Variants in GRIA1 observed in about 807,000 individuals in gnomAD.
GRIA1 encodes the protein glutamate receptor 1.
A neutral mutation model predicts 99.2 loss-of-function variants in GRIA1; 31 were observed. The observed-to-expected ratio is 0.31, with a 90% CI of 0.23 to 0.42. The LOEUF is 0.42. Ranked by LOEUF, GRIA1 falls within the 10% of genes least tolerant of loss-of-function variation. GRIA1 has a pLI of 1.00. For synonymous variants in GRIA1, 438 were observed against 432.4 expected (o/e 1.01, Z -0.16); for missense variants, 782 against 1,157.5 (o/e 0.68, Z 4.71).
At chr5:153,703,469 G>A (rs577941940) in intron 10 of GRIA1, among the ~76,000 whole-genome samples, 1 of 152,228 alleles carries the variant, frequency 6.6e-6, no homozygotes, top group African/African-American at 2.4e-5. Flanking sequence ...AACAGGCTGG[G>A]TATGGTGGCT....
At chr5:153,566,522 T>A (rs1761643082) in intron 2 of GRIA1, among the ~76,000 whole-genome samples, 1 of 151,084 alleles carries the variant, frequency 6.6e-6, no homozygotes, top group Admixed American at 6.6e-5. Flanking sequence ...GCCAGGTTGG[T>A]CTCGAACTCC....
At chr5:153,549,511 A>C (rs888993714) in intron 2 of GRIA1, among the ~76,000 whole-genome samples, 3 of 152,190 alleles carry the variant, frequency 2.0e-5, no homozygotes, top group Non-Finnish European at 4.4e-5. Context: ...GGTCCTCTAG[A>C]CTTGAGAAAG....
intron 2 of GRIA1, among the ~76,000 whole-genome samples, chr5:153,559,410 C>T (rs780234387): frequency 2.0e-5 from 3 of 152,258 alleles, no homozygotes; most frequent in South Asian, 2.1e-4. Flanking sequence ...ATCAGAAGTT[C>T]GCTTTCCAGA....
chr5:153,734,689 G>A (rs1761261476), intron 11 of GRIA1, among the ~76,000 whole-genome samples: 5 of 152,182 alleles, frequency 3.3e-5, no homozygotes, highest in Admixed American at 3.3e-4. Context: ...ACATGGAGCA[G>A]AGACCTTAAC....
At chr5:153,523,239 G>A (rs183223766) in intron 2 of GRIA1, among the ~76,000 whole-genome samples, 8 of 152,256 alleles carry the variant, frequency 5.3e-5, no homozygotes, top group African/African-American at 1.4e-4. Context: ...TGTTCTAACT[G>A]GAAGGACTCA....
At chr5:153,725,925 A>T (rs1760491247) in intron 11 of GRIA1, among the ~76,000 whole-genome samples, 1 of 135,014 alleles carries the variant, frequency 7.4e-6, no homozygotes, top group Non-Finnish European at 1.6e-5. Flanking sequence ...ACCCCATATC[A>T]ACAGAATATA....
At chr5:153,512,976 G>C (rs1266539568) in intron 2 of GRIA1, among the ~76,000 whole-genome samples, 1 of 152,170 alleles carries the variant, frequency 6.6e-6, no homozygotes, top group African/African-American at 2.4e-5. Flanking sequence ...CCAAAGTAAG[G>C]TCATGAGAAC....
intron 2 of GRIA1, among the ~76,000 whole-genome samples, chr5:153,525,777 A>G (rs1374920695): frequency 1.3e-5 from 2 of 152,186 alleles, no homozygotes; most frequent in Non-Finnish European, 2.9e-5. Flanking sequence ...CTGATTCACT[A>G]TAAGAACCTG....
intron 11 of GRIA1, among the ~76,000 whole-genome samples, chr5:153,725,318 G>T (rs1187368461): frequency 6.8e-6 from 1 of 147,628 alleles, no homozygotes; most frequent in Non-Finnish European, 1.5e-5. Flanking sequence ...GACCATCAAG[G>T]CTAGGAAGAA....
chr5:153,537,647 G>A (rs562607574), intron 2 of GRIA1, among the ~76,000 whole-genome samples: 1 of 152,314 alleles, frequency 6.6e-6, no homozygotes, highest in Non-Finnish European at 1.5e-5. Flanking sequence ...TCATAATAGT[G>A]TGAGGGCCTT....
At chr5:153,808,215 G>A (rs1478816065) in intron 15 of GRIA1, among the ~76,000 whole-genome samples, 2 of 152,080 alleles carry the variant, frequency 1.3e-5, no homozygotes, top group African/African-American at 2.4e-5. Flanking sequence ...TCTGTAAGTT[G>A]GATTTTTTAC....
intron 11 of GRIA1, among the ~76,000 whole-genome samples, chr5:153,711,262 G>T (rs1227102956): frequency 6.6e-6 from 1 of 152,192 alleles, no homozygotes; most frequent in Non-Finnish European, 1.5e-5. Context: ...TGAGGAAAAT[G>T]AATTGCGGCA....
At chr5:153,581,478 C>T (rs527898373) in intron 2 of GRIA1, among the ~76,000 whole-genome samples, 1 of 152,116 alleles carries the variant, frequency 6.6e-6, no homozygotes, top group Non-Finnish European at 1.5e-5. Context: ...TTTCTCCTAC[C>T]TTAGGAGCTA....
At chr5:153,491,123 GC>G in intron 1 of GRIA1, 153 bp downstream of exon 1, 2 of 1,003,304 alleles carry the variant, frequency 2.0e-6, no homozygotes, top group Non-Finnish European at 3.0e-6. Flanking sequence ...TGGGCTTACA[GC>G]CAGAGGAGGG....
At chr5:153,596,954 G>A (rs776180727) in intron 2 of GRIA1, among the ~76,000 whole-genome samples, 5 of 152,210 alleles carry the variant, frequency 3.3e-5, no homozygotes, top group African/African-American at 1.2e-4. Flanking sequence ...AGAGGTGGAC[G>A]TAGGGTCTCT....
chr5:153,709,909 G>C (rs1759188512), intron 11 of GRIA1, among the ~76,000 whole-genome samples: 2 of 152,122 alleles, frequency 1.3e-5, no homozygotes, highest in Admixed American at 1.3e-4. Context: ...TCGATATTGG[G>C]GGAATCAACT....
intron 5 of GRIA1, among the ~76,000 whole-genome samples, chr5:153,662,021 C>T (rs552281686): frequency 3.9e-5 from 6 of 152,316 alleles, no homozygotes; most frequent in South Asian, 2.1e-4. Flanking sequence ...GAACAGGGCA[C>T]GACCTGTGTG....
chr5:153,785,917 C>T (rs890508295), intron 13 of GRIA1, among the ~76,000 whole-genome samples: 1 of 152,206 alleles, frequency 6.6e-6, no homozygotes, highest in African/African-American at 2.4e-5. Context: ...TAATTCTGCC[C>T]TCTGGCATCT....
At chr5:153,733,682 T>C (rs1285419717) in intron 11 of GRIA1, among the ~76,000 whole-genome samples, 4 of 152,098 alleles carry the variant, frequency 2.6e-5, no homozygotes, top group African/African-American at 9.7e-5. Flanking sequence ...TTTCATACAA[T>C]TGGAAACCAA....
Sources: allele counts gnomAD v4.1 joint callset (sites outside exome capture counted in the v4.1 genomes callset), GRCh38; gene constraint gnomAD v4.1.1; transcripts MANE v1.5; gene names NCBI Gene and HGNC (gene_info 2026-07-23, HGNC 2026-07-21).